Variants in CCDC50 observed in about 807,000 individuals in gnomAD.
CCDC50 encodes coiled-coil domain-containing protein 50.
In CCDC50, 54 loss-of-function variants were observed where a neutral mutation model predicts 70.2. The ratio of observed to expected loss-of-function variants is 0.77; its 90% CI spans 0.62 to 0.96. The LOEUF is 0.96. Among genes scored for constraint, CCDC50 ranks in the 50% least tolerant of loss-of-function variants. The pLI is 0.00. For missense variants in CCDC50, 558 were observed against 578.7 expected, an observed-to-expected ratio of 0.96 and a Z score of 0.37; for synonymous variants, 216 against 198.8, an observed-to-expected ratio of 1.09 and a Z score of -0.73.
chr3:191,354,519 G>A (rs547129383), intron 1 of CCDC50, among the ~76,000 whole-genome samples: 4 of 152,248 alleles, frequency 2.6e-5, no homozygotes, highest in African/African-American at 9.6e-5. Context: ...TAGTTAGCAT[G>A]GTATTAGAAA....
chr3:191,368,734 G>A (rs2108657756), intron 4 of CCDC50, among the ~76,000 whole-genome samples: 1 of 152,138 alleles, frequency 6.6e-6, no homozygotes, highest in South Asian at 2.1e-4. Flanking sequence ...AAAGAAGTAA[G>A]TACCTCAAAT....
Position 191,370,094 on chromosome 3 carries a change from T to A in CCDC50, c.448+58T>A, listed in dbSNP as rs1576965911. On this transcript the variant is annotated intron_variant, in intron 5 of 11. Coordinates refer to ENST00000392455, the MANE Select transcript of CCDC50 (RefSeq NM_178335.3). ...CTTAGACTCAACCATAAAACACTCC[T>A]TTAATTTTGTTCATAAAGTGACCTT... 2.4e-6 allele frequency: 3 copies of A among 1,227,656 alleles called. No individual in the cohort carries two copies. In the East Asian group the frequency reaches 7.0e-5, roughly 29 times the overall value. The allele number at this position is 1,227,656 out of a possible 1,614,324, so 76.0% of individuals were successfully genotyped here.
chr3:191,355,059 T>C (rs893703071), intron 1 of CCDC50, among the ~76,000 whole-genome samples: 1 of 152,198 alleles, frequency 6.6e-6, no homozygotes, highest in African/African-American at 2.4e-5. Context: ...TGTCCTCTGT[T>C]ATTCTCTAGA....
At chr3:191,376,280 T>A (rs183603773) in intron 6 of CCDC50, among the ~76,000 whole-genome samples, 262 of 152,330 alleles carry the variant, frequency 1.7e-3, no homozygotes, top group South Asian at 0.012. Flanking sequence ...TTTTATGCTG[T>A]AACTTTCTCC....
chr3:191,343,189 C>T (rs942431002), intron 1 of CCDC50, among the ~76,000 whole-genome samples: 1 of 152,064 alleles, frequency 6.6e-6, no homozygotes, highest in African/African-American at 2.4e-5. Context: ...GGAACCAGTC[C>T]CCCTCACGTA....
chr3:191,357,912 A>C lies in CCDC50; in HGVS notation c.113-86A>C, dbSNP rs996946104. 22 of 1,543,570 alleles carry C rather than the reference A, an allele frequency of 1.4e-5. No individual in the cohort carries two copies. In the African/African-American group the frequency reaches 2.4e-4, roughly 17 times the overall value. ...AAGTGATGGATGCAAAGCTGTTGTT[A>C]TGGTAAAGCTCTTAAGATTATTATG... On this transcript the variant is annotated intron_variant, in intron 2 of 11. Transcript: ENST00000392455.
intron 1 of CCDC50, among the ~76,000 whole-genome samples, chr3:191,341,461 C>T (rs1037196654): frequency 6.6e-6 from 1 of 152,144 alleles, no homozygotes; most frequent in Non-Finnish European, 1.5e-5. Flanking sequence ...GATCTGTACT[C>T]AAGATACTCA....
At chr3:191,342,364 G>C (rs1420758436) in intron 1 of CCDC50, among the ~76,000 whole-genome samples, 2 of 151,894 alleles carry the variant, frequency 1.3e-5, no homozygotes, top group African/African-American at 2.4e-5. Flanking sequence ...GTTTAAAGTT[G>C]AAATGAATTT....
At chr3:191,331,070 A>G (rs1717966722) in intron 1 of CCDC50, among the ~76,000 whole-genome samples, 2 of 152,206 alleles carry the variant, frequency 1.3e-5, no homozygotes, top group Non-Finnish European at 2.9e-5. Flanking sequence ...AGGCGGATCC[A>G]TACTTTTGAG....
intron 6 of CCDC50, among the ~76,000 whole-genome samples, chr3:191,377,076 A>C (rs1188846208): frequency 6.6e-6 from 1 of 152,180 alleles, no homozygotes; most frequent in Admixed American, 6.6e-5. Flanking sequence ...TTATTTTGCC[A>C]GCACAAGGGA....
At chr3:191,369,690 TGTG>T (rs1712828518) in intron 4 of CCDC50, among the ~76,000 whole-genome samples, 1 of 152,168 alleles carries the variant, frequency 6.6e-6, no homozygotes, top group Non-Finnish European at 1.5e-5. Flanking sequence ...TCTTCCATGT[TGTG>T]GTGGATTTAA....
chr3:191,349,266 C>T (rs1457074531), intron 1 of CCDC50, among the ~76,000 whole-genome samples: 1 of 142,246 alleles, frequency 7.0e-6, no homozygotes, highest in Non-Finnish European at 1.6e-5. Context: ...TTTATTAGAA[C>T]TTTTAATAAA....
At chr3:191,341,781 C>G (rs753986764) in intron 1 of CCDC50, among the ~76,000 whole-genome samples, 3 of 152,206 alleles carry the variant, frequency 2.0e-5, no homozygotes, top group Non-Finnish European at 4.4e-5. Context: ...TTGACAGAAT[C>G]ACTTCTTAAA....
Position 191,351,515 on chromosome 3 carries a change from A to G in CCDC50, c.50-5573A>G, listed in dbSNP as rs541874132. ...GCTTCAAAGTTCATAGAATGCTCCT[A>G]CAGTTATTGGTAGGGAATTGGGGAG... is the stretch of plus-strand genomic sequence containing the variant. On this transcript the variant is annotated intron_variant, in intron 1 of 11. Transcript: ENST00000392455. Among the ~76,000 whole-genome samples the G allele has an allele frequency of 7.8e-5, 11 of 141,666 alleles. 2 individuals carry two copies. Among genetic ancestry groups the G allele is most frequent in the African/African-American group, 2.3e-4 (9 of 39,850 alleles). 92.9% of individuals were successfully genotyped at this position (141,666 alleles called of 152,430 possible).
In CCDC50 at chr3:191,340,756, T is replaced by A. The variant is rs1289687168; in HGVS notation, c.49+11033T>A. Among the ~76,000 whole-genome samples, 4 of 152,340 alleles carry A rather than the reference T, an allele frequency of 2.6e-5. 2 individuals carry two copies. In the South Asian group the frequency reaches 8.3e-4, roughly 32 times the overall value. ...ACATATTCTCCCTCAGGCGGACATA[T>A]GAGGTTAGAAAGAGCTTTAGACGTG... is the stretch of plus-strand genomic sequence containing the variant. On this transcript the variant is annotated intron_variant, in intron 1 of 11. Transcript: ENST00000392455.
At chr3:191,389,455 C>T (rs375668181) in intron 10 of CCDC50, 41 bp from the exon 11 acceptor site, 52 of 1,499,014 alleles carry the variant, frequency 3.5e-5, no homozygotes, top group East Asian at 6.8e-5. Flanking sequence ...TTGTAGTAAG[C>T]GTTACTTAGA....
Position 191,352,162 on chromosome 3 carries a change from T to TA in CCDC50, c.50-4925dup, listed in dbSNP as rs535873981. Among the ~76,000 whole-genome samples the TA allele has an allele frequency of 1.8e-3, 252 of 142,454 alleles. 46 individuals are homozygous for TA. The Middle Eastern group carries it at 0.018, about 10-fold the overall frequency. 93.5% of individuals were successfully genotyped at this position (142,454 alleles called of 152,430 possible). A position where few individuals can be genotyped will look rare whatever the true frequency, so the allele number is the denominator to read the frequency against. On this transcript the variant is annotated intron_variant, in intron 1 of 11. Coordinates refer to ENST00000392455, the MANE Select transcript of CCDC50 (RefSeq NM_178335.3). ...GTCTTTAGTACAGTGTTTATTAACT[T>TA]ACATTATACCTGTTTTCCTCTCTGA...
rs1713420343 is a variant in CCDC50, at chr3:191,384,403, T to C, written c.1322+1578T>C. ...ACAACTAATATCAGAATGTATACTT[T>C]CTGGTTAGAATCTGGTTTTCCTCTT... On this transcript the variant is annotated intron_variant, in intron 10 of 11. Coordinates refer to ENST00000392455, the MANE Select transcript of CCDC50 (RefSeq NM_178335.3). 2.0e-5 allele frequency among the ~76,000 whole-genome samples: 3 copies of C among 152,206 alleles called. No homozygotes were observed. In the South Asian group the frequency reaches 6.2e-4, roughly 31 times the overall value.
intron 3 of CCDC50, among the ~76,000 whole-genome samples, chr3:191,360,026 ATAAG>A (rs1712427419): frequency 6.6e-6 from 1 of 152,236 alleles, no homozygotes; most frequent in Admixed American, 6.5e-5. Context: ...CCTGGATGAA[ATAAG>A]TAAGCTAGAA....
Sources: gnomAD v4.1 joint callset for allele counts (sites outside exome capture counted in the v4.1 genomes callset) on GRCh38, gnomAD v4.1.1 for gene constraint, MANE v1.5 for transcripts, NCBI Gene and HGNC (gene_info 2026-07-23, HGNC 2026-07-21) for gene names.